Variants in HSP90AA1 observed in about 807,000 individuals in gnomAD.
HSP90AA1 encodes heat shock protein HSP 90-alpha.
HSP90AA1 carries 18 observed loss-of-function variants against 73.3 expected under a neutral mutation model. The observed-to-expected ratio is 0.25, with a 90% confidence interval of 0.17 to 0.36. The LOEUF (loss-of-function observed/expected upper bound fraction) is 0.36, where lower values mean the gene tolerates loss of function less well. Among genes scored for constraint, HSP90AA1 ranks in the 10% least tolerant of loss-of-function variants. HSP90AA1 has a pLI of 1.00. For synonymous variants in HSP90AA1, 477 were observed against 296.9 expected, an observed-to-expected ratio of 1.61 and a Z score of -6.24; for missense variants, 704 against 874.2, an observed-to-expected ratio of 0.81 and a Z score of 2.45.
At chr14:102,134,142 C>A (rs539354522) in intron 1 of HSP90AA1, among the ~76,000 whole-genome samples, 9 of 66,966 alleles carry the variant, frequency 1.3e-4, no homozygotes, top group Non-Finnish European at 2.4e-4. Flanking sequence ...CAGAGTGAGA[C>A]CTGTCTCAAA....
chr14:102,122,185 T>G (rs1036181195), intron 1 of HSP90AA1, among the ~76,000 whole-genome samples: 1 of 152,152 alleles, frequency 6.6e-6, no homozygotes, highest in Non-Finnish European at 1.5e-5. Context: ...CCAATACCTC[T>G]TCTTAAATTA....
chr14:102,097,441 C>A (rs575456514), intron 2 of HSP90AA1, among the ~76,000 whole-genome samples: 1 of 151,920 alleles, frequency 6.6e-6, no homozygotes, highest in Non-Finnish European at 1.5e-5. Context: ...ATCTCCCTTA[C>A]GACTATAGGG....
chr14:102,113,900 C>T (rs941831097), intron 1 of HSP90AA1, among the ~76,000 whole-genome samples: 6 of 151,990 alleles, frequency 3.9e-5, no homozygotes, highest in Non-Finnish European at 7.4e-5. Flanking sequence ...TTAGTTGAGA[C>T]GAGGTTTCAC....
chr14:102,139,455 C>T (rs775588250), exon 1 of HSP90AA1: 368 of 1,485,398 alleles, frequency 2.5e-4, no homozygotes, highest in Non-Finnish European at 3.2e-4. Flanking sequence ...CGGTGGCCGT[C>T]GGGGTGGCGC....
intron 2 of HSP90AA1, among the ~76,000 whole-genome samples, chr14:102,094,087 T>C (rs1038804874): frequency 6.6e-6 from 1 of 152,180 alleles, no homozygotes; most frequent in Non-Finnish European, 1.5e-5. Flanking sequence ...TGAGTAACTA[T>C]AAAATCGGGA....
intron 1 of HSP90AA1, among the ~76,000 whole-genome samples, chr14:102,113,526 G>A (rs934459287): frequency 4.0e-5 from 6 of 151,478 alleles, no homozygotes; most frequent in African/African-American, 1.5e-4. Flanking sequence ...GATTACAGGT[G>A]TGGTATGCCC....
chr14:102,128,080 G>C (rs1247833475), intron 1 of HSP90AA1, among the ~76,000 whole-genome samples: 1 of 152,186 alleles, frequency 6.6e-6, no homozygotes, highest in Non-Finnish European at 1.5e-5. Flanking sequence ...TACTACATGG[G>C]AGGAGGCAGT....
Position 102,115,949 on chromosome 14 carries a change from G to A in HSP90AA1, c.156-13864C>T, listed in dbSNP as rs528921081. ...TTGTATTTTTCTTAAGTTTAAGACC[G>A]AGCATCTTTTTTTTTTTTTTGAGAT... is the stretch of plus-strand genomic sequence containing the variant. On this transcript the variant is annotated intron_variant, in intron 1 of 11. Transcript: ENST00000334701. Among the ~76,000 whole-genome samples the A allele has an allele frequency of 5.0e-3, 756 of 151,482 alleles. 6 individuals are homozygous for A. Among genetic ancestry groups the A allele is most frequent in the Non-Finnish European group, 7.3e-3 (496 of 67,806 alleles).
intron 1 of HSP90AA1, among the ~76,000 whole-genome samples, chr14:102,125,085 G>T (rs2049824329): frequency 6.6e-6 from 1 of 152,104 alleles, no homozygotes; most frequent in South Asian, 2.1e-4. Flanking sequence ...TCAAACTCCT[G>T]GGTTCAAGCG....
chr14:102,132,241 C>T (rs1430852501), intron 1 of HSP90AA1, among the ~76,000 whole-genome samples: 1 of 152,172 alleles, frequency 6.6e-6, no homozygotes, highest in East Asian at 1.9e-4. Flanking sequence ...GTGGCACATG[C>T]CTGTAGTCCC....
At chr14:102,111,504 TG>T (rs2049641652) in intron 1 of HSP90AA1, among the ~76,000 whole-genome samples, 1 of 152,194 alleles carries the variant, frequency 6.6e-6, no homozygotes, top group African/African-American at 2.4e-5. Flanking sequence ...CTAGATACAA[TG>T]GGGGTACAGG....
intron 2 of HSP90AA1, among the ~76,000 whole-genome samples, chr14:102,097,128 A>T (rs2049435264): frequency 6.6e-6 from 1 of 151,928 alleles, no homozygotes; most frequent in East Asian, 1.9e-4. Flanking sequence ...CTGGGATTAT[A>T]GGCGCCCACT....
chr14:102,090,005 T>C (rs1253814204), upstream of HSP90AA1, among the ~76,000 whole-genome samples: 1 of 152,052 alleles, frequency 6.6e-6, no homozygotes, highest in Admixed American at 6.6e-5. Context: ...CTCCCCACCC[T>C]CTGCAAATTC....
intron 4 of HSP90AA1, 42 bp downstream of exon 4, chr14:102,085,256 C>A: frequency 6.3e-7 from 1 of 1,594,674 alleles, no homozygotes; most frequent in Non-Finnish European, 8.6e-7. Context: ...ACCCCAATCA[C>A]CTACAGACAG....
At chr14:102,088,805 T>G (rs1020654029), upstream of HSP90AA1, among the ~76,000 whole-genome samples, 3 of 152,174 alleles carry the variant, frequency 2.0e-5, no homozygotes, top group Middle Eastern at 3.2e-3. Context: ...CTCTCCTCAC[T>G]TGTAGGAACT....
chr14:102,084,230 G>A (rs1328899159), intron 6 of HSP90AA1, 169 bp downstream of exon 6: 13 of 706,042 alleles, frequency 1.8e-5, no homozygotes, highest in Non-Finnish European at 2.9e-5. Flanking sequence ...TAATTTAGTA[G>A]AGATGGGGTT....
intron 9 of HSP90AA1, chr14:102,082,822 G>GT: frequency 1.7e-6 from 1 of 584,304 alleles, no homozygotes; most frequent in East Asian, 3.1e-5. Flanking sequence ...GAGTTTCACC[G>GT]TGTTAGCCAG....
chr14:102,082,651 C>A lies in HSP90AA1; in HGVS notation c.1756-207G>T, dbSNP rs932683686. On this transcript the variant is annotated intron_variant, in intron 9 of 10. Transcript: ENST00000216281. ...CAATTTTTTTTTTGAGATAGAGTCT[C>A]GCTCCATCACCCAGGCTGGAGTGCA... 9 of 585,914 alleles carry A rather than the reference C, an allele frequency of 1.5e-5. No individual in the cohort carries two copies. The South Asian group carries it at 1.6e-4, about 10-fold the overall frequency. The allele number at this position is 585,914 out of a possible 1,614,324, so 36.3% of individuals were successfully genotyped here. A position where few individuals can be genotyped will look rare whatever the true frequency, so the allele number is the denominator to read the frequency against.
intron 1 of HSP90AA1, among the ~76,000 whole-genome samples, chr14:102,132,572 T>C (rs987017381): frequency 2.0e-5 from 3 of 151,940 alleles, no homozygotes; most frequent in African/African-American, 4.8e-5. Flanking sequence ...AGAAAAAAAA[T>C]TGAGACAACA....
Sources: allele counts gnomAD v4.1 joint callset (sites outside exome capture counted in the v4.1 genomes callset), GRCh38; gene constraint gnomAD v4.1.1; transcripts MANE v1.5; gene names NCBI Gene and HGNC (gene_info 2026-07-23, HGNC 2026-07-21).